Variants in FOCAD observed in about 807,000 individuals in gnomAD.
FOCAD encodes the protein KIAA1797.
FOCAD carries 198 observed loss-of-function variants against 225.6 expected under a neutral mutation model. The ratio of observed to expected loss-of-function variants is 0.88; its 90% CI spans 0.78 to 0.99. FOCAD has a LOEUF of 0.99. Ranked by LOEUF, FOCAD falls within the 50% of genes least tolerant of loss-of-function variation. The probability of loss-of-function intolerance (pLI) is 0.00; values close to 1 mark genes in which losing one functional copy is unlikely to be tolerated. For missense variants in FOCAD, 2,713 were observed against 2,123.6 expected, an observed-to-expected ratio of 1.28 and a Z score of -5.46; for synonymous variants, 897 against 755.0, an observed-to-expected ratio of 1.19 and a Z score of -3.08.
intron 20 of FOCAD, among the ~76,000 whole-genome samples, chr9:20,884,603 T>C (rs985612343): frequency 1.8e-4 from 28 of 152,002 alleles, no homozygotes; most frequent in African/African-American, 6.8e-4. Context: ...GTCCCAATAG[T>C]ATTTTAAATA....
At chr9:20,947,455 A>G (rs187739729) in intron 30 of FOCAD, among the ~76,000 whole-genome samples, 1 of 152,314 alleles carries the variant, frequency 6.6e-6, no homozygotes, top group East Asian at 1.9e-4. Context: ...TCAAAAGCAT[A>G]GAGACAGAAA....
Position 20,911,699 on chromosome 9 carries a change from A to G in FOCAD, c.2719-1167A>G, listed in dbSNP as rs115605161. On this transcript the variant is annotated intron_variant, in intron 22 of 43. Coordinates refer to ENST00000338382, the MANE Select transcript of FOCAD (RefSeq NM_001375567.1). ...TACAAATGAGGAAACTGAAGCTTAG[A>G]GAAGTGAAGTAACTTGCCTAAATTT... Among the ~76,000 whole-genome samples, 650 of 152,324 alleles carry G rather than the reference A, an allele frequency of 4.3e-3. 5 individuals are homozygous for G. The highest frequency in any genetic ancestry group is 0.015 in the African/African-American group (629 of 41,592).
rs190103052 is a variant in FOCAD, at chr9:20,813,051, A to G, written c.1456-6745A>G. 4.0e-3 allele frequency among the ~76,000 whole-genome samples: 606 copies of G among 152,200 alleles called. 5 individuals carry two copies. The highest frequency in any genetic ancestry group is 0.014 in the African/African-American group (583 of 41,538). On this transcript the variant is annotated intron_variant, in intron 11 of 43. Transcript: ENST00000338382. ...CTCCCTCCCCAACTGTCTGGCAACC[A>G]CCATTCTACTTTCTGCTCTAAGAGT...
intron 4 of FOCAD, 67 bp downstream of exon 4, chr9:20,720,601 C>T (rs967342433): frequency 1.4e-6 from 2 of 1,476,368 alleles, no homozygotes; most frequent in African/African-American, 1.4e-5. Flanking sequence ...CACTAAATCA[C>T]TATTAAGAGT....
chr9:20,716,321 G>A (rs1825330912), intron 2 of FOCAD: 1 of 191,460 alleles, frequency 5.2e-6, no homozygotes, highest in African/African-American at 2.3e-5. Context: ...ACGTGTTACT[G>A]TTAAATTAGG....
At chr9:20,704,803 A>T (rs1824247586) in intron 1 of FOCAD, among the ~76,000 whole-genome samples, 2 of 152,242 alleles carry the variant, frequency 1.3e-5, no homozygotes, top group Admixed American at 1.3e-4. Flanking sequence ...TCAGAAAGTT[A>T]TATCCTCTAT....
At chr9:20,866,527 A>T (rs1015835527) in intron 17 of FOCAD, among the ~76,000 whole-genome samples, 1 of 152,018 alleles carries the variant, frequency 6.6e-6, no homozygotes, top group Non-Finnish European at 1.5e-5. Context: ...GACTTGAGCA[A>T]TTATGAGTTA....
At chr9:20,759,279 G>T (rs1829349624) in intron 6 of FOCAD, among the ~76,000 whole-genome samples, 2 of 152,126 alleles carry the variant, frequency 1.3e-5, no homozygotes, top group African/African-American at 4.8e-5. Flanking sequence ...AAAGAACAAA[G>T]CTGGAGGCAT....
chr9:20,781,640 T>A, intron 9 of FOCAD, 87 bp from the exon 10 acceptor site: 2 of 1,140,922 alleles, frequency 1.8e-6, no homozygotes, highest in African/African-American at 1.5e-5. Flanking sequence ...AAGAAAACTT[T>A]CTTGCATATC....
chr9:20,866,439 G>T (rs1829254743), intron 17 of FOCAD, among the ~76,000 whole-genome samples: 1 of 151,956 alleles, frequency 6.6e-6, no homozygotes, highest in South Asian at 2.1e-4. Context: ...TTAATAGGTG[G>T]AGAATCGGAA....
chr9:20,703,102 C>A (rs2131418236), intron 1 of FOCAD, among the ~76,000 whole-genome samples: 1 of 144,160 alleles, frequency 6.9e-6, no homozygotes, highest in East Asian at 2.1e-4. Flanking sequence ...AAATGACAAT[C>A]ATTTGAGATT....
At chr9:20,864,062 G>T (rs1451191303) in intron 16 of FOCAD, among the ~76,000 whole-genome samples, 1 of 151,982 alleles carries the variant, frequency 6.6e-6, no homozygotes, top group Non-Finnish European at 1.5e-5. Context: ...GCCCAGTTAG[G>T]GGGAGTCTCT....
In FOCAD at chr9:20,770,081, T is replaced by C; in HGVS notation, c.749T>C (p.Val250Ala). 2.5e-6 allele frequency: 4 copies of C among 1,614,098 alleles called. No individual in the cohort carries two copies. The highest frequency in any genetic ancestry group is 3.4e-6 in the Non-Finnish European group (4 of 1,179,984). ...TTEAMMFIEE[V>A]CLSLLRHPVF... ...GAGGCGATGATGTTTATTGAGGAAG[T>C]ATGTTTAAGCCTTTTGCGTCATCCT... The change falls in exon 8 of 44, where the codon GTA becomes GCA. Residue 250 changes from valine to alanine, a missense_variant. Physicochemically the swap from Val to Ala is moderately conservative, Grantham distance 64. Coordinates refer to ENST00000338382, the MANE Select transcript of FOCAD (RefSeq NM_001375567.1).
chr9:20,789,513 CTT>C lies in FOCAD; in HGVS notation c.1361_1362del (p.Leu454ProfsTer8). ...TGCTGTGATCCCTGCGCCTGCCTTT[CTT>C]CTGCTGGCTCACCTCCTTGTTGAAG... is the stretch of plus-strand genomic sequence containing the variant. ...ITAVIPAPAF[L>X]LLAHLLVEDK... On this transcript the variant is annotated frameshift_variant, in exon 11 of 44. Coordinates refer to ENST00000338382, the MANE Select transcript of FOCAD (RefSeq NM_001375567.1). LOFTEE classifies it high-confidence loss of function. 6.2e-7 allele frequency: 1 copy of C among 1,614,028 alleles called. No homozygotes were observed. Among genetic ancestry groups the C allele is most frequent in the Non-Finnish European group, 8.5e-7 (1 of 1,179,994 alleles).
Position 20,781,944 on chromosome 9 carries a change from C to T in FOCAD, c.1197+15C>T. The T allele has an allele frequency of 6.2e-7, 1 of 1,607,614 alleles. No individual in the cohort carries two copies. The highest frequency in any genetic ancestry group is 8.5e-7 in the Non-Finnish European group (1 of 1,174,558). On this transcript the variant is annotated intron_variant, in intron 10 of 43. Transcript: ENST00000338382. ...ACCACCAAAAGGTAATGAATCTATC[C>T]TTGTTTCTCTTAAATAAAGTGTCGA... is the stretch of plus-strand genomic sequence containing the variant.
At chr9:20,744,672 T>G (rs892979826) in intron 5 of FOCAD, among the ~76,000 whole-genome samples, 1 of 152,230 alleles carries the variant, frequency 6.6e-6, no homozygotes, top group Non-Finnish European at 1.5e-5. Flanking sequence ...GTTGGTATTT[T>G]TTTAAAAGCT....
chr9:20,943,162 A>G (rs915867263), intron 28 of FOCAD, among the ~76,000 whole-genome samples: 3 of 152,222 alleles, frequency 2.0e-5, no homozygotes, highest in Non-Finnish European at 2.9e-5. Context: ...CGTAAATGTG[A>G]TTAGTCTCAA....
chr9:20,893,754 T>C (rs1443218023), intron 21 of FOCAD, among the ~76,000 whole-genome samples: 1 of 152,124 alleles, frequency 6.6e-6, no homozygotes. Context: ...GAGCAATGTA[T>C]GGAGCATTCC....
At chr9:20,892,883 G>A (rs963554294) in intron 21 of FOCAD, among the ~76,000 whole-genome samples, 6 of 152,026 alleles carry the variant, frequency 3.9e-5, no homozygotes, top group Non-Finnish European at 7.3e-5. Flanking sequence ...AATTGACACA[G>A]CCATCCCAAC....
Sources: allele counts gnomAD v4.1 joint callset (sites outside exome capture counted in the v4.1 genomes callset), GRCh38; gene constraint gnomAD v4.1.1; transcripts MANE v1.5; gene names NCBI Gene and HGNC (gene_info 2026-07-23, HGNC 2026-07-21).